Variants in PTPRN2 observed in about 807,000 individuals in gnomAD.
The protein encoded by PTPRN2 is receptor-type tyrosine-protein phosphatase N2.
PTPRN2 carries 74 observed loss-of-function variants against 118.8 expected under a neutral mutation model. The ratio of observed to expected loss-of-function variants is 0.62; its 90% confidence interval spans 0.52 to 0.76. The LOEUF (loss-of-function observed/expected upper bound fraction) is 0.76, where lower values mean the gene tolerates loss of function less well. PTPRN2 is among the 30% of genes least tolerant of loss of function. PTPRN2 has a pLI of 0.00. For missense variants in PTPRN2, 1,481 were observed against 1,394.4 expected, an observed-to-expected ratio of 1.06 and a Z score of -0.99; for synonymous variants, 641 against 608.0, an observed-to-expected ratio of 1.05 and a Z score of -0.80.
At chr7:158,476,256 G>A (rs925208368) in intron 2 of PTPRN2, among the ~76,000 whole-genome samples, 2 of 152,188 alleles carry the variant, frequency 1.3e-5, no homozygotes, top group Non-Finnish European at 2.9e-5. Flanking sequence ...CGCCTGCCTT[G>A]GCCTCCCACA....
Position 157,762,668 on chromosome 7 carries a change from G to A in PTPRN2, c.1789-79731C>T, listed in dbSNP as rs1029891966. The stretch of plus-strand genomic sequence containing the variant: ...TAGATGACGAGTTAGTGGGTGCAGC[G>A]CACCAGCATGGCACATGTATACATA... On this transcript the variant is annotated intron_variant, in intron 12 of 22. Coordinates refer to ENST00000389418, the MANE Select transcript of PTPRN2 (RefSeq NM_002847.5). 5.3e-5 allele frequency among the ~76,000 whole-genome samples: 8 copies of A among 151,460 alleles called. No individual in the cohort carries two copies. The South Asian group carries it at 8.4e-4, about 16-fold the overall frequency.
chr7:157,979,944 G>A (rs1408033290), intron 11 of PTPRN2, among the ~76,000 whole-genome samples: 2 of 152,208 alleles, frequency 1.3e-5, no homozygotes, highest in Admixed American at 1.3e-4. Flanking sequence ...AACGAAGCTG[G>A]TGAGTTCGGG....
chr7:157,964,770 T>C lies in PTPRN2; in HGVS notation c.1724-66033A>G, dbSNP rs1161902695. ...CTTCCTCAAGCTTCCCACTTGAAGG[T>C]TGGTGTGAAACCCCACCCCACTCAA... On this transcript the variant is annotated intron_variant, in intron 11 of 22. Coordinates refer to ENST00000389418, the MANE Select transcript of PTPRN2 (RefSeq NM_002847.5). This position sits in a 1 kb window ranked among gnomAD's most constrained non-coding sequence, Gnocchi z 9.0. Among the ~76,000 whole-genome samples, 2 of 152,290 alleles carry C rather than the reference T, an allele frequency of 1.3e-5. No individual in the cohort carries two copies. Among genetic ancestry groups the C allele is most frequent in the East Asian group, 1.9e-4 (1 of 5,176 alleles).
At chr7:157,897,921 C>T (rs1406904233) in intron 12 of PTPRN2, among the ~76,000 whole-genome samples, 3 of 152,278 alleles carry the variant, frequency 2.0e-5, no homozygotes, top group Non-Finnish European at 4.4e-5. Context: ...TGGCTTCGGT[C>T]CACACTGACT....
intron 12 of PTPRN2, among the ~76,000 whole-genome samples, chr7:157,744,299 G>A (rs552765636): frequency 4.6e-5 from 7 of 152,256 alleles, no homozygotes; most frequent in African/African-American, 1.4e-4. Context: ...CCCAGACATC[G>A]AAGGAGATTC....
chr7:158,009,514 A>T (rs575943906), intron 11 of PTPRN2, among the ~76,000 whole-genome samples: 6 of 152,326 alleles, frequency 3.9e-5, no homozygotes, highest in Non-Finnish European at 5.9e-5. Context: ...CATATTAAAA[A>T]TATAATAGAT....
chr7:157,852,863 CAAAA>C (rs58298308), intron 12 of PTPRN2, among the ~76,000 whole-genome samples: 18 of 102,664 alleles, frequency 1.8e-4, no homozygotes, highest in African/African-American at 6.6e-4. Context: ...GCAAGTCTCT[CAAAA>C]AAAAAAAAAA....
chr7:158,334,696 A>G (rs1435746491), intron 2 of PTPRN2, among the ~76,000 whole-genome samples: 1 of 46,464 alleles, frequency 2.2e-5, no homozygotes, highest in Admixed American at 2.6e-4. Context: ...CACTCTCACC[A>G]TAAGAGGTGA....
intron 3 of PTPRN2, among the ~76,000 whole-genome samples, chr7:158,296,274 A>C (rs1318874585): frequency 6.6e-6 from 1 of 152,192 alleles, no homozygotes; most frequent in Non-Finnish European, 1.5e-5. Context: ...GCACACCGGC[A>C]GAAGAACTCA....
intron 2 of PTPRN2, among the ~76,000 whole-genome samples, chr7:158,352,656 G>A (rs543602590): frequency 5.6e-4 from 86 of 152,338 alleles, no homozygotes; most frequent in Non-Finnish European, 1.1e-3. Flanking sequence ...CGTAATTGGG[G>A]TAGGCTGGTA....
intron 2 of PTPRN2, among the ~76,000 whole-genome samples, chr7:158,397,349 G>C (rs1328113843): frequency 6.6e-6 from 1 of 152,212 alleles, no homozygotes; most frequent in Non-Finnish European, 1.5e-5. Context: ...GACACCCTCA[G>C]CGGTTGTGAA....
chr7:158,094,466 T>C (rs568638011), intron 10 of PTPRN2, among the ~76,000 whole-genome samples: 3 of 152,170 alleles, frequency 2.0e-5, no homozygotes, highest in Admixed American at 2.0e-4. Context: ...CCTGCCACCA[T>C]GCTCAGCTAA....
chr7:158,477,270 T>G (rs1647056131), intron 2 of PTPRN2, among the ~76,000 whole-genome samples: 1 of 152,164 alleles, frequency 6.6e-6, no homozygotes, highest in Non-Finnish European at 1.5e-5. Context: ...GTTAGACCAT[T>G]TCAGGGCCCT....
intron 2 of PTPRN2, among the ~76,000 whole-genome samples, chr7:158,326,100 C>T (rs972462922): frequency 3.9e-5 from 6 of 152,232 alleles, no homozygotes; most frequent in Non-Finnish European, 5.9e-5. Context: ...AGGCCATACC[C>T]GCCGCAGGTC....
At chr7:158,484,295 C>T (rs1449680329) in intron 2 of PTPRN2, among the ~76,000 whole-genome samples, 2 of 152,236 alleles carry the variant, frequency 1.3e-5, no homozygotes, top group Non-Finnish European at 2.9e-5. Flanking sequence ...TTCCCCAGCC[C>T]TACACGGCCA....
In PTPRN2 at chr7:157,571,517, A is replaced by C. The variant is rs757189259; in HGVS notation, c.2784-24T>G. 4.4e-6 allele frequency: 7 copies of C among 1,577,416 alleles called. No homozygotes were observed. In the South Asian group the frequency reaches 7.9e-5, roughly 18 times the overall value. ...TTCTGAAATAAAAAGAGATATAAAA[A>C]TTATCGTTGTGTACTAAGACTTTGC... On this transcript the variant is annotated intron_variant, in intron 19 of 22. Transcript: ENST00000389418.
chr7:158,018,347 G>A (rs577471685), intron 11 of PTPRN2, among the ~76,000 whole-genome samples: 1 of 152,234 alleles, frequency 6.6e-6, no homozygotes, highest in African/African-American at 2.4e-5. Context: ...CACGGCTAAG[G>A]TGGCCAGAGA....
intron 11 of PTPRN2, among the ~76,000 whole-genome samples, chr7:157,934,785 A>G (rs920171578): frequency 2.0e-5 from 3 of 152,138 alleles, no homozygotes; most frequent in African/African-American, 7.2e-5. Flanking sequence ...TGGGTCTCCA[A>G]CTGCTGTGAT....
At chr7:157,706,370 C>A (rs1398029068) in intron 12 of PTPRN2, among the ~76,000 whole-genome samples, 1 of 150,320 alleles carries the variant, frequency 6.7e-6, no homozygotes, top group African/African-American at 2.5e-5. Flanking sequence ...GATCAACATG[C>A]ACTACATCCC....
Sources: allele counts gnomAD v4.1 joint callset (sites outside exome capture counted in the v4.1 genomes callset), GRCh38; gene constraint gnomAD v4.1.1; non-coding constraint Gnocchi (gnomAD v3.1); transcripts MANE v1.5; gene names NCBI Gene and HGNC (gene_info 2026-07-23, HGNC 2026-07-21).